The following IGHMBP2 variants were observed in gnomAD, a reference collection of about 807,000 sequenced individuals.
IGHMBP2 encodes the protein DNA-binding protein SMUBP-2.
Under a neutral mutation model 96.0 loss-of-function variants are expected in IGHMBP2, and 81 were observed. The ratio of observed to expected loss-of-function variants is 0.84; its 90% CI spans 0.71 to 1.01. IGHMBP2 has a LOEUF of 1.01. Ranked by LOEUF, IGHMBP2 falls within the 50% of genes least tolerant of loss-of-function variation. The pLI is 0.00. For missense variants in IGHMBP2, 1,227 were observed against 1,306.3 expected (o/e 0.94, Z 0.94); for synonymous variants, 557 against 548.9 (o/e 1.01, Z -0.21).
chr11:68,914,589 A>G (rs114818410), intron 5 of IGHMBP2, among the ~76,000 whole-genome samples: 1 of 152,124 alleles, frequency 6.6e-6, no homozygotes, highest in Non-Finnish European at 1.5e-5. Flanking sequence ...ACTCAATTAG[A>G]TCCCCTTCCT....
At chr11:68,917,983 T>G in intron 7 of IGHMBP2, 100 bp downstream of exon 7, 1 of 1,372,948 alleles carries the variant, frequency 7.3e-7, no homozygotes, top group Non-Finnish European at 1.0e-6. Flanking sequence ...AATTGGTATT[T>G]CTTTCTTAAA....
intron 5 of IGHMBP2, among the ~76,000 whole-genome samples, chr11:68,913,889 C>T (rs796311173): frequency 6.6e-6 from 1 of 152,144 alleles, no homozygotes; most frequent in Non-Finnish European, 1.5e-5. Flanking sequence ...TCTTGCTGCT[C>T]GCCACACAGA....
chr11:68,939,500 G>A lies in IGHMBP2; in HGVS notation c.2785-34G>A, dbSNP rs757673274. ...CTGCAGGATCTGCCTCCTTGCCCCTGTGAGCCCAGCAGTGATTCTTGTGTC... is the reference window on the plus strand; with the variant it reads ...CTGCAGGATCTGCCTCCTTGCCCCTATGAGCCCAGCAGTGATTCTTGTGTC... On this transcript the variant is annotated intron_variant, in intron 14 of 14. Coordinates refer to ENST00000255078, the MANE Select transcript of IGHMBP2 (RefSeq NM_002180.3). 1.9e-6 allele frequency: 3 copies of A among 1,609,988 alleles called. No individual in the cohort carries two copies. The East Asian group carries it at 6.7e-5, about 36-fold the overall frequency.
At chr11:68,933,703 CT>C in intron 9 of IGHMBP2, 91 bp from the exon 10 acceptor site, 4 of 1,129,892 alleles carry the variant, frequency 3.5e-6, no homozygotes, top group South Asian at 1.3e-5. Context: ...CTACCTAAGC[CT>C]TTTCCTCGTG....
intron 2 of IGHMBP2, 40 bp downstream of exon 2, chr11:68,906,278 G>A (rs987807139): frequency 1.1e-5 from 18 of 1,603,176 alleles, no homozygotes; most frequent in Middle Eastern, 1.7e-4. Flanking sequence ...GAAATTTACT[G>A]GCATTCAGAC....
intron 13 of IGHMBP2, chr11:68,937,910 C>T: frequency 2.0e-6 from 1 of 492,424 alleles, no homozygotes; most frequent in Non-Finnish European, 3.7e-6. Flanking sequence ...GCCACCCCTG[C>T]CCCCAGGCAC....
chr11:68,914,124 G>A lies in IGHMBP2; in HGVS notation c.712-699G>A, dbSNP rs145286499. Among the ~76,000 whole-genome samples the A allele has an allele frequency of 1.2e-3, 180 of 152,136 alleles. 2 individuals are homozygous for A. The highest frequency in any genetic ancestry group is 4.2e-3 in the African/African-American group (174 of 41,498). On this transcript the variant is annotated intron_variant, in intron 5 of 14. Coordinates refer to ENST00000255078, the MANE Select transcript of IGHMBP2 (RefSeq NM_002180.3). ...CAGATCTTTGATATTTTTTTGAGAG[G>A]CCTCAATGTCCTTTTCTGAGGAAGA...
At chr11:68,920,966 T>C (rs1302108339) in intron 7 of IGHMBP2, among the ~76,000 whole-genome samples, 1 of 152,172 alleles carries the variant, frequency 6.6e-6, no homozygotes, top group African/African-American at 2.4e-5. Context: ...AATGTTCTTT[T>C]CTTTTTTCCT....
intron 8 of IGHMBP2, chr11:68,930,011 TCA>T: frequency 2.9e-6 from 3 of 1,036,860 alleles, no homozygotes; most frequent in Non-Finnish European, 3.4e-6. Context: ...TACCCAGCAC[TCA>T]CTGCTTCAGC....
chr11:68,918,758 A>C (rs1164521966), intron 7 of IGHMBP2, among the ~76,000 whole-genome samples: 1 of 152,136 alleles, frequency 6.6e-6, no homozygotes, highest in Non-Finnish European at 1.5e-5. Context: ...CCCCTGCCTC[A>C]GCCTCCTAAA....
At position 68,939,954 on chromosome 11, in the gene IGHMBP2, G is replaced by A. The variant is rs1419016549; in HGVS notation, c.*223G>A. Reference sequence around the variant, plus strand: ...CTGGGGGACAACAGTGCTCGTGCAGGTGGGGCTTGGGAAATGCACGTCCCT... The same window carrying A: ...CTGGGGGACAACAGTGCTCGTGCAGATGGGGCTTGGGAAATGCACGTCCCT... On this transcript the variant is annotated 3_prime_UTR_variant, in exon 15 of 15. Coordinates refer to ENST00000255078, the MANE Select transcript of IGHMBP2 (RefSeq NM_002180.3). 18 of 585,324 alleles carry A rather than the reference G, an allele frequency of 3.1e-5. No individual in the cohort carries two copies. In the South Asian group the frequency reaches 3.6e-4, roughly 12 times the overall value. 36.3% of individuals were successfully genotyped at this position (585,324 alleles called of 1,614,324 possible). A position where few individuals can be genotyped will look rare whatever the true frequency, so the allele number is the denominator to read the frequency against.
In IGHMBP2 at chr11:68,904,012, G is replaced by T; in HGVS notation, c.60G>T (p.Glu20Asp). 1 of 1,550,052 alleles carries T rather than the reference G, an allele frequency of 6.5e-7. No homozygotes were observed. Among genetic ancestry groups the T allele is most frequent in the Non-Finnish European group, 8.7e-7 (1 of 1,146,632 alleles). The change falls in exon 1 of 15, where the codon GAG (glutamate) becomes GAT (aspartate). Residue 20 changes from glutamate (E) to aspartate (D), a missense_variant. Physicochemically the swap from Glu to Asp is conservative, Grantham distance 45 (BLOSUM62 2). Around this residue, in one of 3 missense-constraint regions of IGHMBP2, gnomAD observed 507 missense variants for 496.9 expected, o/e 1.02. Transcript: ENST00000255078. ...AGCAACTGGACCTGCTGGAGCTTGA[G>T]AGAGACGCGGAGGTGGAGGAGCGCA... ...VTKQLDLLEL[E>D]RDAEVEERRS...
At chr11:68,937,958 T>G (rs1859614718) in intron 13 of IGHMBP2, 1 of 584,890 alleles carries the variant, frequency 1.7e-6, no homozygotes, top group Admixed American at 2.8e-5. Context: ...GAGCTGCTTT[T>G]TAATTTTTTT....
At chr11:68,918,056 G>T (rs1009710888) in intron 7 of IGHMBP2, among the ~76,000 whole-genome samples, 173 bp downstream of exon 7, 3 of 152,202 alleles carry the variant, frequency 2.0e-5, no homozygotes, top group African/African-American at 4.8e-5. Context: ...GAGAGGTTTT[G>T]AACTACAAAT....
chr11:68,929,105 TG>T (rs1339995505), intron 7 of IGHMBP2, 77 bp from the exon 8 acceptor site: 1 of 1,305,756 alleles, frequency 7.7e-7, no homozygotes. Context: ...CCCAGCTTGA[TG>T]GTGTCTCCTC....
At chr11:68,910,922 C>T (rs185591000) in intron 4 of IGHMBP2, among the ~76,000 whole-genome samples, 95 of 150,760 alleles carry the variant, frequency 6.3e-4, no homozygotes, top group African/African-American at 2.1e-3. Context: ...TAGTCTTGGT[C>T]GTGGAAGATT....
chr11:68,916,733 T>G (rs942071165), intron 6 of IGHMBP2, among the ~76,000 whole-genome samples: 4 of 151,882 alleles, frequency 2.6e-5, no homozygotes, highest in Non-Finnish European at 5.9e-5. Flanking sequence ...CATGGCAGCG[T>G]GGGGATGGGC....
rs768194775 is a variant in IGHMBP2 at position 68,914,806 on chromosome 11, T to C, written c.712-17T>C. On this transcript the variant is annotated splice_polypyrimidine_tract_variant and intron_variant, in intron 5 of 14. Coordinates refer to ENST00000255078, the MANE Select transcript of IGHMBP2 (RefSeq NM_002180.3). ...GATTACAAAGTAAATGACCAGATCCTAACTTGCGGTTCCCAGGTTCTGTGC... is the reference window on the plus strand; with the variant it reads ...GATTACAAAGTAAATGACCAGATCCCAACTTGCGGTTCCCAGGTTCTGTGC... 6.2e-7 allele frequency: 1 copy of C among 1,614,064 alleles called. No homozygotes were observed. Among genetic ancestry groups the C allele is most frequent in the Non-Finnish European group, 8.5e-7 (1 of 1,179,864 alleles).
chr11:68,907,456 C>G (rs113611890), intron 2 of IGHMBP2, among the ~76,000 whole-genome samples: 1 of 152,172 alleles, frequency 6.6e-6, no homozygotes, highest in Non-Finnish European at 1.5e-5. Context: ...GCTTCTTAAC[C>G]ACACGCCTGG....
Sources: allele counts gnomAD v4.1 joint callset (sites outside exome capture counted in the v4.1 genomes callset), GRCh38; gene constraint gnomAD v4.1.1; regional missense constraint gnomAD v4.1.1; transcripts MANE v1.5; gene names NCBI Gene and HGNC (gene_info 2026-07-23, HGNC 2026-07-21).